The following LHFPL3 variants were observed in gnomAD, a reference collection of about 807,000 sequenced individuals.
LHFPL3 encodes the protein LHFPL tetraspan subfamily member 3 protein.
Under a neutral mutation model 19.3 loss-of-function variants are expected in LHFPL3, and 5 were observed. That is an observed-to-expected ratio of 0.26 (90% CI 0.14 to 0.54). The LOEUF is 0.54. Ranked by LOEUF, LHFPL3 falls within the 20% of genes least tolerant of loss-of-function variation. The pLI is 0.94. For synonymous variants in LHFPL3, 133 were observed against 126.2 expected (o/e 1.05, Z -0.36); for missense variants, 249 against 307.4 (o/e 0.81, Z 1.42).
intron 1 of LHFPL3, among the ~76,000 whole-genome samples, chr7:104,713,251 C>T (rs1793327057): frequency 6.6e-6 from 1 of 152,200 alleles, no homozygotes. Flanking sequence ...ATTAGTGTAA[C>T]ATGTTGGAAT....
At chr7:104,358,436 CA>C (rs1340190197) in intron 1 of LHFPL3, among the ~76,000 whole-genome samples, 1 of 152,148 alleles carries the variant, frequency 6.6e-6, no homozygotes, top group Non-Finnish European at 1.5e-5. Context: ...GTGTCAGTTT[CA>C]TATGTTTACC....
intron 1 of LHFPL3, among the ~76,000 whole-genome samples, chr7:104,641,793 G>A (rs1001194852): frequency 2.0e-5 from 3 of 151,948 alleles, no homozygotes; most frequent in African/African-American, 4.8e-5. Flanking sequence ...AGAAAGATTC[G>A]GTTCTATCAG....
At chr7:104,863,113 C>A (rs1758031435) in intron 2 of LHFPL3, among the ~76,000 whole-genome samples, 1 of 152,182 alleles carries the variant, frequency 6.6e-6, no homozygotes, top group African/African-American at 2.4e-5. Flanking sequence ...CTAACCTGCA[C>A]CCCAAAAAGA....
intron 1 of LHFPL3, among the ~76,000 whole-genome samples, chr7:104,606,020 TTTTTTA>T (rs375200173): frequency 6.6e-6 from 1 of 152,202 alleles, no homozygotes; most frequent in Non-Finnish European, 1.5e-5. Context: ...GACAGTTTTA[TTTTTTA>T]TTTTTATTTT....
At chr7:104,655,202 T>C (rs2115958087) in intron 1 of LHFPL3, among the ~76,000 whole-genome samples, 1 of 152,314 alleles carries the variant, frequency 6.6e-6, no homozygotes, top group East Asian at 1.9e-4. Context: ...TTTCACTCCA[T>C]ATGCTTGTTC....
intron 1 of LHFPL3, among the ~76,000 whole-genome samples, chr7:104,359,803 C>T (rs544350812): frequency 6.6e-6 from 1 of 152,386 alleles, no homozygotes; most frequent in East Asian, 1.9e-4. Context: ...CCATTGCTGG[C>T]ATGCTCCAGT....
chr7:104,802,199 T>G (rs886549088), intron 2 of LHFPL3, among the ~76,000 whole-genome samples: 3 of 151,986 alleles, frequency 2.0e-5, no homozygotes, highest in Non-Finnish European at 4.4e-5. Flanking sequence ...TTAGTGCCCT[T>G]ATAAAAGATG....
intron 1 of LHFPL3, among the ~76,000 whole-genome samples, chr7:104,337,716 A>G (rs545756899): frequency 1.3e-5 from 2 of 152,356 alleles, no homozygotes; most frequent in East Asian, 1.9e-4. Flanking sequence ...TACAGTGAAC[A>G]TTTGGGTAAA....
chr7:104,795,118 C>T (rs546600711), intron 2 of LHFPL3, among the ~76,000 whole-genome samples: 20 of 152,300 alleles, frequency 1.3e-4, no homozygotes, highest in South Asian at 1.2e-3. Flanking sequence ...CCACTGAAAA[C>T]CTTTCCGGAA....
chr7:104,438,396 A>G (rs573328432), intron 1 of LHFPL3, among the ~76,000 whole-genome samples: 12 of 152,244 alleles, frequency 7.9e-5, no homozygotes, highest in Non-Finnish European at 1.8e-4. Flanking sequence ...GTAAAACACT[A>G]TTCTCATAAA....
At chr7:104,887,887 T>A (rs1792176954) in intron 2 of LHFPL3, among the ~76,000 whole-genome samples, 1 of 152,236 alleles carries the variant, frequency 6.6e-6, no homozygotes, top group Non-Finnish European at 1.5e-5. Context: ...GGACTAGATC[T>A]ACTGGTAGGA....
chr7:104,546,459 G>A (rs762451035), intron 1 of LHFPL3, among the ~76,000 whole-genome samples: 4 of 152,096 alleles, frequency 2.6e-5, no homozygotes, highest in African/African-American at 4.8e-5. Context: ...GATAACAAAT[G>A]TAACTTTGTG....
intron 1 of LHFPL3, among the ~76,000 whole-genome samples, chr7:104,428,210 T>C (rs1227106157): frequency 3.3e-5 from 5 of 152,220 alleles, no homozygotes; most frequent in African/African-American, 1.2e-4. Context: ...AATCTACATA[T>C]AACATCTGGT....
At chr7:104,819,869 T>C (rs750922978) in intron 2 of LHFPL3, among the ~76,000 whole-genome samples, 1 of 152,156 alleles carries the variant, frequency 6.6e-6, no homozygotes, top group Non-Finnish European at 1.5e-5. Context: ...CACATGGCTG[T>C]GTAAAGAAAC....
At chr7:104,614,600 TC>T (rs1791275219) in intron 1 of LHFPL3, among the ~76,000 whole-genome samples, 1 of 113,170 alleles carries the variant, frequency 8.8e-6, no homozygotes, top group African/African-American at 3.9e-5. Context: ...TCTCTTCTCT[TC>T]TCTTCTCTTC....
intron 2 of LHFPL3, among the ~76,000 whole-genome samples, chr7:104,824,332 TAA>T (rs1301735198): frequency 5.6e-5 from 2 of 35,828 alleles, no homozygotes; most frequent in East Asian, 2.7e-3. Context: ...ATTTTATATA[TAA>T]TATATATAAT....
chr7:104,713,624 A>G (rs1266340384), intron 1 of LHFPL3, among the ~76,000 whole-genome samples: 1 of 152,184 alleles, frequency 6.6e-6, no homozygotes, highest in African/African-American at 2.4e-5. Context: ...TTACAATTCA[A>G]TGAGATTTGC....
At chr7:104,703,752 T>A (rs1208294068) in intron 1 of LHFPL3, among the ~76,000 whole-genome samples, 1 of 152,216 alleles carries the variant, frequency 6.6e-6, no homozygotes, top group Non-Finnish European at 1.5e-5. Context: ...TTTCTTTCAT[T>A]TATTTTATTT....
At chr7:104,881,690 A>C (rs1192375932) in intron 2 of LHFPL3, among the ~76,000 whole-genome samples, 6 of 152,270 alleles carry the variant, frequency 3.9e-5, no homozygotes, top group Non-Finnish European at 8.8e-5. Flanking sequence ...ATAAAGCAGC[A>C]GCAGGGTTTG....
Sources: allele counts gnomAD v4.1 joint callset (sites outside exome capture counted in the v4.1 genomes callset), GRCh38; gene constraint gnomAD v4.1.1; transcripts MANE v1.5; gene names NCBI Gene and HGNC (gene_info 2026-07-23, HGNC 2026-07-21).